Variants in PCDH9 observed in about 807,000 individuals in gnomAD.
PCDH9 encodes the protein protocadherin-9.
In PCDH9, 24 loss-of-function variants were observed where a neutral mutation model predicts 70.6. The ratio of observed to expected loss-of-function variants is 0.34; its 90% CI spans 0.25 to 0.48. The LOEUF is 0.48. Among genes scored for constraint, PCDH9 ranks in the 20% least tolerant of loss-of-function variants. The pLI is 0.99. For synonymous variants in PCDH9, 562 were observed against 558.5 expected, an observed-to-expected ratio of 1.01 and a Z score of -0.09; for missense variants, 1,281 against 1,503.6, an observed-to-expected ratio of 0.85 and a Z score of 2.45.
At chr13:66,329,711 A>C (rs1013607258) in intron 4 of PCDH9, among the ~76,000 whole-genome samples, 3 of 152,122 alleles carry the variant, frequency 2.0e-5, no homozygotes, top group Non-Finnish European at 4.4e-5. Context: ...TTAATAGACT[A>C]ATGTGTGCTT....
intron 4 of PCDH9, among the ~76,000 whole-genome samples, chr13:66,611,024 A>T (rs557469878): frequency 6.6e-6 from 1 of 152,158 alleles, no homozygotes; most frequent in Admixed American, 6.5e-5. Context: ...AGCTAGTTCA[A>T]GTTTTCTTAC....
chr13:67,135,029 T>C (rs2087201246), intron 2 of PCDH9, among the ~76,000 whole-genome samples: 1 of 152,158 alleles, frequency 6.6e-6, no homozygotes, highest in Non-Finnish European at 1.5e-5. Context: ...AAATTATTTC[T>C]GTATAAGAAA....
At chr13:66,907,049 T>C (rs1248811704) in intron 2 of PCDH9, among the ~76,000 whole-genome samples, 1 of 151,892 alleles carries the variant, frequency 6.6e-6, no homozygotes, top group Non-Finnish European at 1.5e-5. Flanking sequence ...ACTGAAAATA[T>C]AAAAATTAGC....
At chr13:66,541,250 T>C (rs779616343) in intron 4 of PCDH9, among the ~76,000 whole-genome samples, 1 of 152,192 alleles carries the variant, frequency 6.6e-6, no homozygotes, top group Non-Finnish European at 1.5e-5. Flanking sequence ...AAAAGTCATT[T>C]AAGGTTTCTC....
chr13:66,612,903 G>A (rs1023388851), intron 4 of PCDH9, among the ~76,000 whole-genome samples: 4 of 152,002 alleles, frequency 2.6e-5, no homozygotes, highest in Non-Finnish European at 4.4e-5. Context: ...AATTTTCATG[G>A]CCTTGAGACA....
At chr13:67,096,437 A>G (rs2086321959) in intron 2 of PCDH9, among the ~76,000 whole-genome samples, 1 of 152,176 alleles carries the variant, frequency 6.6e-6, no homozygotes, top group African/African-American at 2.4e-5. Context: ...TAAGAGTAGA[A>G]AGAGAGGAAA....
At chr13:66,971,561 C>T (rs1215380452) in intron 2 of PCDH9, among the ~76,000 whole-genome samples, 1 of 151,992 alleles carries the variant, frequency 6.6e-6, no homozygotes, top group African/African-American at 2.4e-5. Context: ...AAGGCCATTA[C>T]TGCCTCCTGG....
chr13:66,494,885 T>C (rs961068719), intron 4 of PCDH9, among the ~76,000 whole-genome samples: 21 of 152,074 alleles, frequency 1.4e-4, no homozygotes, highest in African/African-American at 4.8e-4. Context: ...AAAAGCCAAA[T>C]GTACAAATAT....
At chr13:66,452,228 T>C (rs1404251631) in intron 4 of PCDH9, among the ~76,000 whole-genome samples, 2 of 152,138 alleles carry the variant, frequency 1.3e-5, no homozygotes, top group African/African-American at 4.8e-5. Context: ...TTTTTTCCAT[T>C]CTAATAATAT....
At chr13:66,329,795 T>C (rs1197337489) in intron 4 of PCDH9, among the ~76,000 whole-genome samples, 1 of 152,156 alleles carries the variant, frequency 6.6e-6, no homozygotes, top group East Asian at 1.9e-4. Context: ...ATGGAAAGTA[T>C]AAAAATAGGC....
At chr13:66,829,591 C>A (rs879228095) in intron 3 of PCDH9, among the ~76,000 whole-genome samples, 7 of 151,586 alleles carry the variant, frequency 4.6e-5, no homozygotes, top group Admixed American at 1.3e-4. Context: ...CTCAATCAAA[C>A]TGACATTACG....
chr13:66,709,673 C>T (rs1452118678), intron 3 of PCDH9, among the ~76,000 whole-genome samples: 1 of 152,048 alleles, frequency 6.6e-6, no homozygotes, highest in Non-Finnish European at 1.5e-5. Context: ...AGCCTTTGAA[C>T]AATAATTTTA....
At chr13:67,079,573 A>G (rs2085943979) in intron 2 of PCDH9, among the ~76,000 whole-genome samples, 1 of 152,168 alleles carries the variant, frequency 6.6e-6, no homozygotes, top group Non-Finnish European at 1.5e-5. Flanking sequence ...TTTATACCAA[A>G]ATATATTTCT....
chr13:66,319,826 T>C (rs1333437830), intron 4 of PCDH9, among the ~76,000 whole-genome samples: 1 of 152,068 alleles, frequency 6.6e-6, no homozygotes, highest in East Asian at 1.9e-4. Flanking sequence ...TCACCTGGTA[T>C]AAAATCGTTA....
intron 2 of PCDH9, among the ~76,000 whole-genome samples, chr13:67,161,018 G>A (rs2087944041): frequency 6.6e-6 from 1 of 152,290 alleles, no homozygotes. Context: ...AATGCAGTAG[G>A]TAGAGCGATT....
At chr13:66,785,797 C>A (rs1159640927) in intron 3 of PCDH9, among the ~76,000 whole-genome samples, 1 of 149,954 alleles carries the variant, frequency 6.7e-6, no homozygotes, top group East Asian at 2.0e-4. Context: ...CACCCTACAT[C>A]TTGATTTTTA....
Position 67,011,570 on chromosome 13 carries a change from GT to G in PCDH9, c.3037-107966del, listed in dbSNP as rs2084452358. On this transcript the variant is annotated intron_variant, in intron 2 of 4. Transcript: ENST00000377865. ...TTCTGTACAGCACCTACCCATCACA[GT>G]AATGCAAGAGACTGTGTCCCATATG... Among the ~76,000 whole-genome samples the G allele has an allele frequency of 3.3e-5, 5 of 151,926 alleles. No individual in the cohort carries two copies. The South Asian group carries it at 1.0e-3, about 32-fold the overall frequency.
rs1321324196 is a variant in PCDH9 at position 67,227,043 on chromosome 13, T to C, written c.1398A>G (p.Pro466=). ...CAATTACAGGCTGGTTGAAAATTGG[T>C]GGGTTGTCATTTTCATCCTCAAGCT... The part of the protein sequence containing the change: ...RVKLEDENDN[P]PIFNQPVIEL... The change falls in exon 2 of 5, where the codon CCA becomes CCG. Residue 466 remains proline, a synonymous_variant. Transcript: ENST00000377865. The surrounding 1 kb of genome is among the most constrained non-coding windows in gnomAD (Gnocchi z 4.6). 3.1e-6 allele frequency: 5 copies of C among 1,614,010 alleles called. No individual in the cohort carries two copies. The highest frequency in any genetic ancestry group is 1.7e-5 in the Admixed American group (1 of 59,996).
chr13:67,196,800 T>C (rs2089077058), intron 2 of PCDH9, among the ~76,000 whole-genome samples: 1 of 152,048 alleles, frequency 6.6e-6, no homozygotes, highest in African/African-American at 2.4e-5. Context: ...ATAGGAGCTC[T>C]TGTGACCTTG....
Sources: gnomAD v4.1 joint callset for allele counts (sites outside exome capture counted in the v4.1 genomes callset) on GRCh38, gnomAD v4.1.1 for gene constraint, Gnocchi (gnomAD v3.1) non-coding constraint, MANE v1.5 for transcripts, NCBI Gene and HGNC (gene_info 2026-07-23, HGNC 2026-07-21) for gene names.